The following SETD1B variants were observed in gnomAD, a reference collection of about 807,000 sequenced individuals.
SETD1B encodes the protein SET domain containing 1B, histone lysine methyltransferase.
Under a neutral mutation model 148.0 loss-of-function variants are expected in SETD1B, and 7 were observed. That is an observed-to-expected ratio of 0.05 (90% CI 0.03 to 0.09). The LOEUF is 0.09. Among genes scored for constraint, SETD1B ranks in the 10% least tolerant of loss-of-function variants. SETD1B has a pLI of 1.00. For missense variants in SETD1B, 2,155 were observed against 2,729.9 expected (o/e 0.79, Z 4.69); for synonymous variants, 1,361 against 1,186.5 (o/e 1.15, Z -3.02).
Position 121,823,441 on chromosome 12 carries a change from GC to G in SETD1B, c.4867del (p.Arg1623ValfsTer56). ...TGGCCCTCCGAGGCCATTCCTCCGGGCCCCCGTGGGCGCGATGAGGTCACTG... is the reference window on the plus strand; with the variant it reads ...TGGCCCTCCGAGGCCATTCCTCCGGGCCCCGTGGGCGCGATGAGGTCACTG... ...NQWPSEAIPP[G>X]PRGRDEVTEE... is the part of the protein sequence containing the mutation. On this transcript the variant is annotated frameshift_variant, in exon 12 of 17. Coordinates refer to ENST00000604567, the MANE Select transcript of SETD1B (RefSeq NM_001353345.2). LOFTEE classifies it high-confidence loss of function. The G allele has an allele frequency of 1.3e-6, 2 of 1,548,690 alleles. No homozygotes were observed.
At chr12:121,798,402 G>C in the SETD1B span, among the ~76,000 whole-genome samples, 2 of 152,342 alleles carry the variant, frequency 1.3e-5, no homozygotes, top group African/African-American at 4.8e-5. Flanking sequence ...TGGTGCGGGG[G>C]GAAGCTCTGA....
At chr12:121,794,526 T>C in the SETD1B span, among the ~76,000 whole-genome samples, 3 of 152,208 alleles carry the variant, frequency 2.0e-5, no homozygotes, top group African/African-American at 7.2e-5. Flanking sequence ...TGGAGACTGA[T>C]AACCCCACAC....
chr12:121,814,323 T>G lies in SETD1B; in HGVS notation c.2108T>G (p.Phe703Cys). The G allele has an allele frequency of 1.4e-6, 1 of 730,024 alleles. No individual in the cohort carries two copies. Among genetic ancestry groups the G allele is most frequent in the Non-Finnish European group, 1.8e-6 (1 of 559,906 alleles). 45.2% of individuals were successfully genotyped at this position (730,024 alleles called of 1,614,324 possible). A position where few individuals can be genotyped will look rare whatever the true frequency, so the allele number is the denominator to read the frequency against. ...PPPPPPPQPGFPMPPPLPPPP... is the reference protein window; with the variant it reads ...PPPPPPPQPGCPMPPPLPPPP... ...CCACCACCCCCACCGCAGCCTGGCT[T>G]CCCCATGCCCCCACCGCTGCCCCCA... The change falls in exon 7 of 17, where the codon TTC becomes TGC. Residue 703 changes from phenylalanine to cysteine, a missense_variant. Physicochemically the swap from Phe to Cys is radical, Grantham distance 205. This residue lies in a region of SETD1B where 295 missense variants were observed against 303.8 expected (regional missense o/e 0.97). Transcript: ENST00000604567.
At chr12:121,824,971 C>T (rs1243414775) in intron 12 of SETD1B, among the ~76,000 whole-genome samples, 2 of 148,180 alleles carry the variant, frequency 1.3e-5, no homozygotes, top group Admixed American at 1.3e-4. Flanking sequence ...CAACAGGAGA[C>T]CCTGTCTCAA....
intron 13 of SETD1B, among the ~76,000 whole-genome samples, chr12:121,827,106 G>A (rs1270799835): frequency 6.6e-6 from 1 of 152,108 alleles, no homozygotes; most frequent in Non-Finnish European, 1.5e-5. Flanking sequence ...TGGGGCAGAG[G>A]CCTGGGATGC....
Position 121,805,283 on chromosome 12 carries a change from C to A in SETD1B, c.273+67C>A. On this transcript the variant is annotated intron_variant, in intron 3 of 16. Transcript: ENST00000604567. The surrounding 1 kb of genome is among the most constrained non-coding windows in gnomAD (Gnocchi z 4.2). ...CCCCGAGTTCGAAAATAACGCCAGT[C>A]CTGACCGAGCCCAGCCGGATTCCCA... 9.3e-6 allele frequency: 12 copies of A among 1,290,792 alleles called. No individual in the cohort carries two copies. The highest frequency in any genetic ancestry group is 1.3e-5 in the Non-Finnish European group (12 of 921,864). The allele number at this position is 1,290,792 out of a possible 1,614,324, so 80.0% of individuals were successfully genotyped here.
rs547750226 is a variant in SETD1B, at chr12:121,805,112, C to T, written c.175-6C>T. The T allele has an allele frequency of 2.0e-3, 3,086 of 1,551,492 alleles. 5 individuals are homozygous for T. The highest frequency in any genetic ancestry group is 2.4e-3 in the Non-Finnish European group (2,807 of 1,146,794). On this transcript the variant is annotated splice_polypyrimidine_tract_variant and splice_region_variant and intron_variant, in intron 2 of 16. Coordinates refer to ENST00000604567, the MANE Select transcript of SETD1B (RefSeq NM_001353345.2). The surrounding 1 kb of genome is among the most constrained non-coding windows in gnomAD (Gnocchi z 4.2). Reference sequence around the variant, plus strand: ...CTCATCCCGGCCCCCCAATTTCTCCCCACAGATGTCCAGCAACCGCCCGGT... The same window carrying T: ...CTCATCCCGGCCCCCCAATTTCTCCTCACAGATGTCCAGCAACCGCCCGGT...
Position 121,822,528 on chromosome 12 carries a change from C to T in SETD1B, c.3949C>T (p.Leu1317Phe). 1.3e-6 allele frequency: 2 copies of T among 1,550,218 alleles called. No individual in the cohort carries two copies. The highest frequency in any genetic ancestry group is 2.4e-5 in the South Asian group (2 of 83,868). ...AGTGGAGCCGGAGCCCCCTATGATG[C>T]TCCCCTTGCCGCTGCAACCACCATT... ...LEVEPEPPMM[L>F]PLPLQPPLPP... The change falls in exon 12 of 17, where the codon CTC (leucine) becomes TTC (phenylalanine). Residue 1317 changes from leucine to phenylalanine, a missense_variant. Coordinates refer to ENST00000604567, the MANE Select transcript of SETD1B (RefSeq NM_001353345.2).
chr12:121,799,731 T>TGGGGGGGGGGGGGGGGGGGG (rs1308261766), upstream of SETD1B: 2 of 31,718 alleles, frequency 6.3e-5, no homozygotes, highest in Non-Finnish European at 6.9e-5. Flanking sequence ...GGGGGGGGGG[T>TGGGGGGGGGGGGGGGGGGGG]GGGGTGGGGC....
chr12:121,823,616 C>T lies in SETD1B; in HGVS notation c.5037C>T (p.Thr1679=), dbSNP rs1467106518. ...FRPRSEFEEM[T]ILYDIWNGGI... The stretch of plus-strand genomic sequence containing the variant: ...CCCGCTCGGAGTTTGAGGAGATGAC[C>T]ATCCTGTATGACATCTGGAACGGTG... Residue 1679 remains threonine, a synonymous_variant, in exon 12 of 17, where the codon ACC becomes ACT. Transcript: ENST00000604567. 4 of 1,551,400 alleles carry T rather than the reference C, an allele frequency of 2.6e-6. No homozygotes were observed. Among genetic ancestry groups the T allele is most frequent in the Admixed American group, 2.0e-5 (1 of 50,976 alleles).
Position 121,823,089 on chromosome 12 carries a change from C to T in SETD1B, c.4510C>T (p.Leu1504=). The T allele has an allele frequency of 6.7e-7, 1 of 1,501,624 alleles. No homozygotes were observed. The highest frequency in any genetic ancestry group is 8.9e-7 in the Non-Finnish European group (1 of 1,124,418). 93.0% of individuals were successfully genotyped at this position (1,501,624 alleles called of 1,614,324 possible). Residue 1504 remains leucine, a synonymous_variant, in exon 12 of 17, where the codon CTG becomes TTG. Transcript: ENST00000604567. ...TGCGCCCACCCCGCTGCCACCCCTG[C>T]TGCCCGCCCCCCTGGCCTCTTGCCC... The part of the protein sequence containing the change: ...ARAPTPLPPL[L]PAPLASCPPP...
At position 121,808,387 on chromosome 12, in the gene SETD1B, C is replaced by G; in HGVS notation, c.657+67C>G. 2.8e-6 allele frequency: 3 copies of G among 1,053,464 alleles called. No individual in the cohort carries two copies. Among genetic ancestry groups the G allele is most frequent in the Non-Finnish European group, 4.2e-6 (3 of 709,812 alleles). The allele number at this position is 1,053,464 out of a possible 1,614,324, so 65.3% of individuals were successfully genotyped here. A position where few individuals can be genotyped will look rare whatever the true frequency, so the allele number is the denominator to read the frequency against. On this transcript the variant is annotated intron_variant, in intron 5 of 16. Coordinates refer to ENST00000604567, the MANE Select transcript of SETD1B (RefSeq NM_001353345.2). The surrounding 1 kb of genome is among the most constrained non-coding windows in gnomAD (Gnocchi z 5.3). Reference sequence around the variant, plus strand: ...GATGTGCCCCCCACCTCTGGAAAGCCTCACCAACTCTCTTATGGGACCCCC... The same window carrying G: ...GATGTGCCCCCCACCTCTGGAAAGCGTCACCAACTCTCTTATGGGACCCCC...
At chr12:121,814,044 G>A (rs1876161276) in intron 6 of SETD1B, 62 bp from the exon 7 acceptor site, 1 of 1,350,152 alleles carries the variant, frequency 7.4e-7, no homozygotes, top group East Asian at 2.6e-5. Flanking sequence ...TTGCAGAGGG[G>A]ACTCCGAGAG....
At chr12:121,820,629 G>A (rs920372130) in intron 11 of SETD1B, among the ~76,000 whole-genome samples, 1 of 152,004 alleles carries the variant, frequency 6.6e-6, no homozygotes, top group African/African-American at 2.4e-5. Context: ...CGCCTCCCAG[G>A]TTCACGCCAT....
rs948017014 is a variant in SETD1B at position 121,809,933 on chromosome 12, G to A, written c.988G>A (p.Val330Ile). 6.4e-7 allele frequency: 1 copy of A among 1,551,102 alleles called. No individual in the cohort carries two copies. Among genetic ancestry groups the A allele is most frequent in the Non-Finnish European group, 8.7e-7 (1 of 1,146,988 alleles). Residue 330 changes from valine to isoleucine, a missense_variant, in exon 6 of 17, where the codon GTA becomes ATA. This residue lies in a region of SETD1B where 376 missense variants were observed against 385.0 expected (regional missense o/e 0.98). Coordinates refer to ENST00000604567, the MANE Select transcript of SETD1B (RefSeq NM_001353345.2). ...AYNRRHEHHY[V>I]HNSPAVTAVA... ...CAACCGCCGCCACGAACATCATTAT[G>A]TACACAATTCTCCCGCGGTCACTGC...
rs1239994868 is a variant in SETD1B at position 121,817,457 on chromosome 12, G to A, written c.3065G>A (p.Arg1022Gln). Residue 1022 changes from arginine to glutamine, a missense_variant, in exon 9 of 17, where the codon CGG becomes CAG. Transcript: ENST00000604567. This position sits in a 1 kb window ranked among gnomAD's most constrained non-coding sequence, Gnocchi z 8.1. The part of the protein sequence containing the change: ...RDPKGVGVRR[R>Q]PARPLELDSG... ...CCCAAGGGCGTGGGTGTGCGGCGGCGGCCGGCGCGGCCTCTGGAGCTGGAC... is the reference window on the plus strand; with the variant it reads ...CCCAAGGGCGTGGGTGTGCGGCGGCAGCCGGCGCGGCCTCTGGAGCTGGAC... The A allele has an allele frequency of 2.0e-5, 31 of 1,547,660 alleles. No individual in the cohort carries two copies. Among genetic ancestry groups the A allele is most frequent in the Non-Finnish European group, 2.3e-5 (26 of 1,144,272 alleles).
At chr12:121,811,991 A>C (rs1034304253) in intron 6 of SETD1B, among the ~76,000 whole-genome samples, 1 of 151,938 alleles carries the variant, frequency 6.6e-6, no homozygotes, top group African/African-American at 2.4e-5. Context: ...TGGGGTGAGG[A>C]GTGTTTACCA....
At chr12:121,806,364 C>G (rs181465285) in intron 4 of SETD1B, among the ~76,000 whole-genome samples, 1 of 152,186 alleles carries the variant, frequency 6.6e-6, no homozygotes, top group Non-Finnish European at 1.5e-5. Context: ...GGCTTCCCCA[C>G]CGCTGACACC....
At chr12:121,802,801 A>G (rs1286391106), upstream of SETD1B, 1 of 152,270 alleles carries the variant, frequency 6.6e-6, no homozygotes, top group African/African-American at 2.4e-5. Flanking sequence ...ACAAATGTTA[A>G]ACACACTGAG....
Sources: allele counts gnomAD v4.1 joint callset (sites outside exome capture counted in the v4.1 genomes callset), GRCh38; gene constraint gnomAD v4.1.1; regional missense constraint gnomAD v4.1.1; non-coding constraint Gnocchi (gnomAD v3.1); transcripts MANE v1.5; gene names NCBI Gene and HGNC (gene_info 2026-07-23, HGNC 2026-07-21).